Variants in TANGO6 observed in about 807,000 individuals in gnomAD.
The protein encoded by TANGO6 is transport and Golgi organization protein 6 homolog.
TANGO6 carries 90 observed loss-of-function variants against 114.2 expected under a neutral mutation model. That is an observed-to-expected ratio of 0.79 (90% CI 0.66 to 0.94). The LOEUF is 0.94. Among genes scored for constraint, TANGO6 ranks in the 40% least tolerant of loss-of-function variants. The pLI is 0.00. For missense variants in TANGO6, 1,274 were observed against 1,315.3 expected, an observed-to-expected ratio of 0.97 and a Z score of 0.49; for synonymous variants, 477 against 509.8, an observed-to-expected ratio of 0.94 and a Z score of 0.87.
intron 15 of TANGO6, among the ~76,000 whole-genome samples, chr16:69,014,652 T>C (rs1959257868): frequency 6.6e-6 from 1 of 152,096 alleles, no homozygotes; most frequent in Non-Finnish European, 1.5e-5. Flanking sequence ...CTCAGCACTT[T>C]GGGAGTCTAA....
Position 68,880,577 on chromosome 16 carries a change from A to T in TANGO6, c.1324A>T (p.Thr442Ser). 6.2e-7 allele frequency: 1 copy of T among 1,612,750 alleles called. No individual in the cohort carries two copies. Among genetic ancestry groups the T allele is most frequent in the African/African-American group, 1.3e-5 (1 of 74,984 alleles). The change falls in exon 7 of 18, where the codon ACT becomes TCT. Residue 442 changes from threonine (T) to serine (S), a missense_variant. Physicochemically the swap from Thr to Ser is moderately conservative, Grantham distance 58. Transcript: ENST00000261778. Reference sequence around the variant, plus strand: ...TTCAGAGAGTGACATGGTACCAGGAACTATTTTGGTGACAGAAGAAGAACT... The same window carrying T: ...TTCAGAGAGTGACATGGTACCAGGATCTATTTTGGTGACAGAAGAAGAACT... ...ELSESDMVPG[T>S]ILVTEEELSR...
intron 14 of TANGO6, among the ~76,000 whole-genome samples, chr16:68,971,394 C>T (rs528473558): frequency 6.6e-6 from 1 of 152,124 alleles, no homozygotes; most frequent in Admixed American, 6.5e-5. Context: ...CCTCGGCCTC[C>T]GAGTAGCTAG....
chr16:69,014,794 G>C (rs1959260015), intron 15 of TANGO6, among the ~76,000 whole-genome samples: 2 of 151,170 alleles, frequency 1.3e-5, no homozygotes, highest in African/African-American at 4.9e-5. Context: ...TACTCAGGAG[G>C]CTAAAGCAAG....
At chr16:68,945,134 C>T (rs1963400960) in intron 14 of TANGO6, among the ~76,000 whole-genome samples, 1 of 152,144 alleles carries the variant, frequency 6.6e-6, no homozygotes, top group African/African-American at 2.4e-5. Flanking sequence ...GGGCGAGACT[C>T]TGTCTCAAAA....
Position 68,898,958 on chromosome 16 carries a change from A to ATTG in TANGO6, c.1378-1474_1378-1473insGTT, listed in dbSNP as rs1962746786. Reference sequence around the variant, plus strand: ...TGCAATTATCTGCCTTATTATTATTATTATTATTATTATTATTATTATTGG... The same window carrying ATTG: ...TGCAATTATCTGCCTTATTATTATTATTGTTATTATTATTATTATTATTATTGG... On this transcript the variant is annotated intron_variant, in intron 7 of 17. Coordinates refer to ENST00000261778, the MANE Select transcript of TANGO6 (RefSeq NM_024562.2). Among the ~76,000 whole-genome samples, 3 of 133,068 alleles carry ATTG rather than the reference A, an allele frequency of 2.3e-5. No homozygotes were observed. The South Asian group carries it at 6.4e-4, about 29-fold the overall frequency. The allele number at this position is 133,068 out of a possible 152,430, so 87.3% of individuals were successfully genotyped here.
chr16:68,891,541 AG>A (rs1233664831), intron 7 of TANGO6, among the ~76,000 whole-genome samples: 2 of 152,236 alleles, frequency 1.3e-5, no homozygotes, highest in Non-Finnish European at 2.9e-5. Context: ...GCTTTGAAAC[AG>A]AAACACGTTT....
chr16:68,982,658 G>A (rs1321738468), intron 15 of TANGO6, among the ~76,000 whole-genome samples: 1 of 77,660 alleles, frequency 1.3e-5, no homozygotes, highest in Non-Finnish European at 2.2e-5. Flanking sequence ...TTTTTGTAGA[G>A]ACAGGGGCTC....
chr16:68,853,668 G>C (rs901813034), intron 1 of TANGO6, among the ~76,000 whole-genome samples: 1 of 152,158 alleles, frequency 6.6e-6, no homozygotes, highest in Non-Finnish European at 1.5e-5. Context: ...TGTTAGAGTG[G>C]AATTGCTGGA....
intron 15 of TANGO6, among the ~76,000 whole-genome samples, chr16:69,016,843 G>A (rs780806188): frequency 3.3e-5 from 5 of 152,118 alleles, no homozygotes; most frequent in African/African-American, 1.2e-4. Flanking sequence ...TGTATTTTTA[G>A]TAGAGATGGG....
intron 16 of TANGO6, chr16:69,035,694 T>G (rs1370299403): frequency 6.6e-6 from 1 of 152,220 alleles, no homozygotes. Flanking sequence ...GGACACAGTT[T>G]ACTGATTTAG....
chr16:68,991,143 G>C (rs1963942907), intron 15 of TANGO6, among the ~76,000 whole-genome samples: 1 of 152,204 alleles, frequency 6.6e-6, no homozygotes, highest in Non-Finnish European at 1.5e-5. Context: ...TGGGTACCTT[G>C]GAGAAGAAAG....
intron 7 of TANGO6, among the ~76,000 whole-genome samples, chr16:68,890,765 A>G (rs1312888890): frequency 6.6e-6 from 1 of 152,114 alleles, no homozygotes; most frequent in East Asian, 1.9e-4. Context: ...TCATGTCTAT[A>G]ATCCCAGCAC....
intron 14 of TANGO6, among the ~76,000 whole-genome samples, chr16:68,970,884 G>A (rs956475930): frequency 5.9e-5 from 9 of 151,684 alleles, no homozygotes; most frequent in East Asian, 3.9e-4. Context: ...TGGGCCGGGC[G>A]CAGTGGCTCA....
intron 12 of TANGO6, among the ~76,000 whole-genome samples, chr16:68,920,240 C>T (rs1054887862): frequency 2.6e-5 from 4 of 152,098 alleles, no homozygotes; most frequent in African/African-American, 7.2e-5. Flanking sequence ...AGAGAAGTGG[C>T]GGGTACCAAG....
intron 17 of TANGO6, among the ~76,000 whole-genome samples, chr16:69,041,837 T>C (rs971852124): frequency 6.6e-6 from 1 of 152,224 alleles, no homozygotes; most frequent in African/African-American, 2.4e-5. Context: ...ACAAGAAATA[T>C]GTAAGTAGGT....
chr16:68,934,401 A>G (rs148132035), intron 14 of TANGO6, among the ~76,000 whole-genome samples: 235 of 152,296 alleles, frequency 1.5e-3, no homozygotes, highest in African/African-American at 5.0e-3. Context: ...AAAACACTTT[A>G]GATTAACTGA....
rs186198425 is a variant in TANGO6 at position 68,997,574 on chromosome 16, T to G, written c.2842+23406T>G. Among the ~76,000 whole-genome samples, 10 of 152,366 alleles carry G rather than the reference T, an allele frequency of 6.6e-5. No individual in the cohort carries two copies. The East Asian group carries it at 1.9e-3, about 29-fold the overall frequency. On this transcript the variant is annotated intron_variant, in intron 15 of 17. Coordinates refer to ENST00000261778, the MANE Select transcript of TANGO6 (RefSeq NM_024562.2). ...CAGTGAGGATGACCAGAGGTCACTT[T>G]CATTACCATTTTCTTTTTGGTGGGT...
intron 17 of TANGO6, among the ~76,000 whole-genome samples, chr16:69,043,712 G>A (rs1314466237): frequency 6.6e-6 from 1 of 152,126 alleles, no homozygotes; most frequent in African/African-American, 2.4e-5. Context: ...CTTTCAATCT[G>A]GAATTTCTCT....
At position 69,033,306 on chromosome 16, in the gene TANGO6, G is replaced by A. The variant is rs547531799; in HGVS notation, c.2995-7002G>A. Among the ~76,000 whole-genome samples, 7 of 152,322 alleles carry A rather than the reference G, an allele frequency of 4.6e-5. No individual in the cohort carries two copies. In the East Asian group the frequency reaches 1.3e-3, roughly 29 times the overall value. On this transcript the variant is annotated intron_variant, in intron 16 of 17. Transcript: ENST00000261778. ...GTTCCAGGGTGTGCTGGTGGAGAAG[G>A]AACTTGAGCTTTGGGAAACTTGTCT... is the stretch of plus-strand genomic sequence containing the variant.
Sources: allele counts gnomAD v4.1 joint callset (sites outside exome capture counted in the v4.1 genomes callset), GRCh38; gene constraint gnomAD v4.1.1; transcripts MANE v1.5; gene names NCBI Gene and HGNC (gene_info 2026-07-23, HGNC 2026-07-21).